Variants in CCDC141 observed in about 807,000 individuals in gnomAD.
CCDC141 encodes coiled-coil domain-containing protein 141.
CCDC141 carries 168 observed loss-of-function variants against 181.0 expected under a neutral mutation model. The observed-to-expected ratio is 0.93, with a 90% CI of 0.82 to 1.05. The LOEUF (loss-of-function observed/expected upper bound fraction) is 1.05. CCDC141 is among the 50% of genes least tolerant of loss of function. CCDC141 has a pLI of 0.00. For synonymous variants in CCDC141, 666 were observed against 642.3 expected (o/e 1.04, Z -0.56); for missense variants, 1,902 against 1,788.5 (o/e 1.06, Z -1.14).
At position 178,855,378 on chromosome 2, in the gene CCDC141, A is replaced by C; in HGVS notation, c.3029T>G (p.Leu1010Arg). The C allele has an allele frequency of 6.2e-7, 1 of 1,611,838 alleles. No homozygotes were observed. Among genetic ancestry groups the C allele is most frequent in the Non-Finnish European group, 8.5e-7 (1 of 1,179,304 alleles). ...VVTDYKKNLD[L>R]TEHFQEVIEE... ...TATCACCTCCTGGAAATGCTCAGTC[A>C]GGTCCAAATTCTTCTTGTAATCTGT... Residue 1010 changes from leucine (L) to arginine (R), a missense_variant, in exon 19 of 24, where the codon CTG becomes CGG. Leu to Arg is a moderately radical substitution (Grantham distance 102). Transcript: ENST00000443758.
intron 2 of CCDC141, among the ~76,000 whole-genome samples, chr2:178,993,268 C>T (rs933102040): frequency 4.6e-5 from 7 of 152,116 alleles, no homozygotes; most frequent in Non-Finnish European, 1.0e-4. Context: ...TAAAGACATA[C>T]CCCAGACTGG....
intron 2 of CCDC141, among the ~76,000 whole-genome samples, chr2:179,038,866 G>A (rs2043215144): frequency 6.6e-6 from 1 of 152,118 alleles, no homozygotes; most frequent in Admixed American, 6.5e-5. Flanking sequence ...AGGTTTTCTT[G>A]ACTCTTACAG....
In CCDC141 at chr2:178,978,764, T is replaced by C. The variant is rs933055315; in HGVS notation, c.226-89A>G. 4.0e-6 allele frequency: 4 copies of C among 1,004,382 alleles called. No individual in the cohort carries two copies. The African/African-American group carries it at 6.7e-5, about 17-fold the overall frequency. 62.2% of individuals were successfully genotyped at this position (1,004,382 alleles called of 1,614,324 possible). A position where few individuals can be genotyped will look rare whatever the true frequency, so the allele number is the denominator to read the frequency against. ...TTTTAAACACTTGGATAGTAGAAATTGCATGTGGTCTAGGAAACAGAATTT... is the reference window on the plus strand; with the variant it reads ...TTTTAAACACTTGGATAGTAGAAATCGCATGTGGTCTAGGAAACAGAATTT... On this transcript the variant is annotated intron_variant, in intron 2 of 23. Transcript: ENST00000443758.
At chr2:178,840,989 A>C (rs1334398072) in intron 22 of CCDC141, among the ~76,000 whole-genome samples, 1 of 152,234 alleles carries the variant, frequency 6.6e-6, no homozygotes, top group Non-Finnish European at 1.5e-5. Flanking sequence ...GATGGTAAGT[A>C]ATCAGTGGAA....
chr2:178,978,070 CAT>C (rs373009820), intron 3 of CCDC141, among the ~76,000 whole-genome samples: 1 of 152,116 alleles, frequency 6.6e-6, no homozygotes, highest in African/African-American at 2.4e-5. Flanking sequence ...CTTTTTAAAA[CAT>C]AGGCAGCAAA....
At chr2:178,937,739 G>T (rs1241860123) in intron 6 of CCDC141, among the ~76,000 whole-genome samples, 1 of 151,778 alleles carries the variant, frequency 6.6e-6, no homozygotes, top group Non-Finnish European at 1.5e-5. Flanking sequence ...TTTATTATTT[G>T]TTCAATTTTG....
chr2:178,822,279 G>GA, the CCDC141 span, among the ~76,000 whole-genome samples: 1 of 151,666 alleles, frequency 6.6e-6, no homozygotes, highest in Non-Finnish European at 1.5e-5. Context: ...AGTGGGGAGG[G>GA]ATAGCATTAG....
chr2:178,855,272 A>G, intron 19 of CCDC141, 75 bp downstream of exon 19: 1 of 1,205,420 alleles, frequency 8.3e-7, no homozygotes, highest in Non-Finnish European at 1.2e-6. Context: ...CAGCTAATGC[A>G]ACATTGCTTT....
intron 2 of CCDC141, among the ~76,000 whole-genome samples, chr2:178,996,562 C>T (rs1436828033): frequency 6.6e-6 from 1 of 152,104 alleles, no homozygotes; most frequent in Non-Finnish European, 1.5e-5. Context: ...CCTTTGGAAC[C>T]TGTTAGGCTT....
chr2:178,950,343 C>CT (rs938163848), intron 5 of CCDC141, among the ~76,000 whole-genome samples: 6 of 150,872 alleles, frequency 4.0e-5, no homozygotes, highest in African/African-American at 1.5e-4. Context: ...GTTTTTTTTT[C>CT]TTTTTTTACA....
intron 4 of CCDC141, among the ~76,000 whole-genome samples, chr2:178,972,600 G>T (rs938785727): frequency 6.6e-6 from 1 of 152,156 alleles, no homozygotes; most frequent in Non-Finnish European, 1.5e-5. Context: ...GAGGTTATGG[G>T]TTCAGAAAAC....
chr2:178,887,435 C>G (rs1686938026), intron 9 of CCDC141, among the ~76,000 whole-genome samples: 1 of 152,136 alleles, frequency 6.6e-6, no homozygotes, highest in African/African-American at 2.4e-5. Flanking sequence ...TAAAATGACC[C>G]TTGAAGGGTT....
At chr2:179,040,460 G>A (rs1329911167) in intron 2 of CCDC141, among the ~76,000 whole-genome samples, 1 of 152,166 alleles carries the variant, frequency 6.6e-6, no homozygotes, top group Admixed American at 6.5e-5. Context: ...GTGGTTTGCT[G>A]TACAGATCAT....
chr2:178,962,038 T>C (rs960398614), intron 4 of CCDC141, among the ~76,000 whole-genome samples: 2 of 152,184 alleles, frequency 1.3e-5, no homozygotes, highest in African/African-American at 4.8e-5. Context: ...ATTAAAAGAG[T>C]TTCAAATGCA....
chr2:178,955,372 C>T (rs1267048079), intron 5 of CCDC141, among the ~76,000 whole-genome samples: 1 of 152,016 alleles, frequency 6.6e-6, no homozygotes, highest in South Asian at 2.1e-4. Flanking sequence ...TTATACATAC[C>T]TGGACTTTAA....
At chr2:179,039,272 AT>A (rs1261977415) in intron 2 of CCDC141, among the ~76,000 whole-genome samples, 2 of 152,314 alleles carry the variant, frequency 1.3e-5, no homozygotes, top group African/African-American at 4.8e-5. Flanking sequence ...AGAGGCCCTT[AT>A]AAAAATTCTC....
rs1481535140 is a variant in CCDC141, at chr2:178,832,528, G to T, written c.*1645C>A. On this transcript the variant is annotated 3_prime_UTR_variant, in exon 24 of 24. Coordinates refer to ENST00000443758, the MANE Select transcript of CCDC141 (RefSeq NM_173648.4). ...ATAGTTAAGAGAAATTTCCTAGAAT[G>T]CTGTGTATACAAGCTTTTAATATAG... The T allele has an allele frequency of 6.8e-6, 1 of 147,958 alleles. No homozygotes were observed. The highest frequency in any genetic ancestry group is 1.5e-5 in the Non-Finnish European group (1 of 67,054). 9.2% of individuals were successfully genotyped at this position (147,958 alleles called of 1,614,324 possible). A position where few individuals can be genotyped will look rare whatever the true frequency, so the allele number is the denominator to read the frequency against.
the CCDC141 span, among the ~76,000 whole-genome samples, chr2:178,823,827 T>C: frequency 6.6e-6 from 1 of 152,224 alleles, no homozygotes; most frequent in Non-Finnish European, 1.5e-5. Context: ...TTTAATTATC[T>C]ATTTTAAAAC....
At chr2:178,911,304 A>G (rs1688208379) in intron 7 of CCDC141, among the ~76,000 whole-genome samples, 1 of 152,222 alleles carries the variant, frequency 6.6e-6, no homozygotes, top group Non-Finnish European at 1.5e-5. Flanking sequence ...GTATTAACTT[A>G]CTTAGACAGC....
Sources: allele counts gnomAD v4.1 joint callset (sites outside exome capture counted in the v4.1 genomes callset), GRCh38; gene constraint gnomAD v4.1.1; transcripts MANE v1.5; gene names NCBI Gene and HGNC (gene_info 2026-07-23, HGNC 2026-07-21).